Variants in PHEX observed in about 807,000 individuals in gnomAD.
PHEX encodes phosphate regulating endopeptidase X-linked.
Under a neutral mutation model 68.0 loss-of-function variants are expected in PHEX, and 16 were observed. That is an observed-to-expected ratio of 0.24 (90% CI 0.16 to 0.36). PHEX has a LOEUF of 0.36. Among genes scored for constraint, PHEX ranks in the 10% least tolerant of loss-of-function variants. The probability of loss-of-function intolerance (pLI) is 1.00; values close to 1 mark genes in which losing one functional copy is unlikely to be tolerated. For missense variants in PHEX, 480 were observed against 575.5 expected (o/e 0.83, Z 1.70); for synonymous variants, 208 against 205.1 (o/e 1.01, Z -0.12).
At chrX:22,146,540 G>A (rs181997790) in intron 12 of PHEX, among the ~76,000 whole-genome samples, 1 of 112,059 alleles carries the variant, frequency 8.9e-6, no homozygotes, top group East Asian at 2.8e-4. Context: ...GATGAGTCTG[G>A]GTGTGGTGGC....
At chrX:22,188,610 A>T (rs1325319957) in intron 14 of PHEX, among the ~76,000 whole-genome samples, 1 of 111,894 alleles carries the variant, frequency 8.9e-6, no homozygotes, top group Non-Finnish European at 1.9e-5. Context: ...TTTGTTTTTT[A>T]ATTAAAATAA....
intron 8 of PHEX, chrX:22,098,081 A>G (rs1394580610): frequency 1.0e-5 from 1 of 97,546 alleles, no homozygotes; most frequent in Non-Finnish European, 2.0e-5. Flanking sequence ...GTTGCTGCTT[A>G]TTTCCTCTTG....
At position 22,076,390 on chromosome X, in the gene PHEX, C is replaced by T. The variant is rs772238348; in HGVS notation, c.352C>T (p.Leu118Phe). Residue 118 changes from leucine (L) to phenylalanine (F), a missense_variant and splice_region_variant, in exon 4 of 22, where the codon CTT becomes TTT. Transcript: ENST00000379374. Reference protein sequence around the residue: ...RHNVDLKLKELLEKSISRRRD... With the variant: ...RHNVDLKLKEFLEKSISRRRD... The stretch of plus-strand genomic sequence containing the variant: ...GAATCCTTTCTTAACCTTCCCAGAA[C>T]TTTTGGAGAAATCAATCAGTAGAAG... 8.3e-6 allele frequency: 10 copies of T among 1,202,724 alleles called. No homozygotes were observed. In the Admixed American group the frequency reaches 2.2e-4, roughly 26 times the overall value.
chrX:22,201,339 G>T (rs950621849), intron 15 of PHEX, among the ~76,000 whole-genome samples: 2 of 110,939 alleles, frequency 1.8e-5, no homozygotes, highest in Non-Finnish European at 3.8e-5. Flanking sequence ...ACCACGCCTG[G>T]CTATTTTTTT....
intron 20 of PHEX, among the ~76,000 whole-genome samples, chrX:22,229,999 A>G (rs936306442): frequency 6.3e-5 from 7 of 111,408 alleles, no homozygotes; most frequent in African/African-American, 2.3e-4. Context: ...TTAAATAGGG[A>G]ATCCTTTCCC....
chrX:22,185,358 C>T (rs961482968), intron 14 of PHEX, among the ~76,000 whole-genome samples: 1 of 112,243 alleles, frequency 8.9e-6, no homozygotes, highest in Admixed American at 9.4e-5. Flanking sequence ...GGACAACAGT[C>T]AAAGCCCATA....
rs375441152 is a variant in PHEX at position 22,221,710 on chromosome X, T to C, written c.1866T>C (p.Tyr622=). The C allele has an allele frequency of 7.5e-6, 9 of 1,205,161 alleles. No homozygotes were observed. The highest frequency in any genetic ancestry group is 1.0e-5 in the Non-Finnish European group (9 of 889,246). Residue 622 remains tyrosine (Y), a synonymous_variant, in exon 18 of 22, where the codon TAT becomes TAC. Coordinates refer to ENST00000379374, the MANE Select transcript of PHEX (RefSeq NM_000444.6). ...KEKTKCMINQ[Y]SNYYWKKAGL... is the part of the protein sequence containing the mutation. ...AAACAAAATGCATGATTAACCAGTA[T>C]AGCAACTATTATTGGAAGAAAGCTG...
In PHEX at chrX:22,223,277, A is replaced by G. The variant is rs141293389; in HGVS notation, c.1899+1534A>G. Reference sequence around the variant, plus strand: ...GACTTCGGGGGAGCTCAGATGGGGCACTACAGATGCAGACTGTCAGCAGCT... The same window carrying G: ...GACTTCGGGGGAGCTCAGATGGGGCGCTACAGATGCAGACTGTCAGCAGCT... On this transcript the variant is annotated intron_variant, in intron 18 of 21. Coordinates refer to ENST00000379374, the MANE Select transcript of PHEX (RefSeq NM_000444.6). Among the ~76,000 whole-genome samples, 816 of 111,481 alleles carry G rather than the reference A, an allele frequency of 7.3e-3. 8 individuals are homozygous for G. The highest frequency in any genetic ancestry group is 0.026 in the African/African-American group (783 of 30,643).
At chrX:22,220,154 C>G (rs916470658) in intron 17 of PHEX, among the ~76,000 whole-genome samples, 2 of 111,460 alleles carry the variant, frequency 1.8e-5, no homozygotes, top group South Asian at 7.6e-4. Flanking sequence ...AAATTACTAT[C>G]ACATCCATAC....
chrX:22,130,646 G>T (rs1166632878), intron 11 of PHEX, among the ~76,000 whole-genome samples: 2 of 110,371 alleles, frequency 1.8e-5, no homozygotes, highest in Non-Finnish European at 3.8e-5. Context: ...CCTGATGTGG[G>T]TTTTCTGTTT....
chrX:22,239,547 TGACTTGATG>T (rs1470462986), intron 20 of PHEX, among the ~76,000 whole-genome samples: 2 of 110,470 alleles, frequency 1.8e-5, no homozygotes, highest in African/African-American at 6.6e-5. Flanking sequence ...AGAACATAAA[TGACTTGATG>T]GAGCTGAAAA....
At chrX:22,043,607 G>A (rs148038713) in intron 2 of PHEX, among the ~76,000 whole-genome samples, 1,525 of 111,299 alleles carry the variant, frequency 0.014, 25 homozygotes, top group African/African-American at 0.047. Context: ...AGGGCTTAGC[G>A]TAGGTCCTGG....
At chrX:22,184,340 A>T (rs1469806478) in intron 14 of PHEX, among the ~76,000 whole-genome samples, 4 of 110,493 alleles carry the variant, frequency 3.6e-5, no homozygotes, top group Admixed American at 2.9e-4. Flanking sequence ...GACATCTTTC[A>T]GGTCTGAAAA....
chrX:22,184,986 G>T (rs780132421), intron 14 of PHEX, among the ~76,000 whole-genome samples: 2 of 112,039 alleles, frequency 1.8e-5, no homozygotes, highest in East Asian at 2.8e-4. Context: ...ATCTGTAGGA[G>T]TTGATAAGAA....
chrX:22,110,418 G>A (rs1930909446), intron 9 of PHEX, among the ~76,000 whole-genome samples: 1 of 112,012 alleles, frequency 8.9e-6, no homozygotes, highest in Non-Finnish European at 1.9e-5. Flanking sequence ...CCCATTCAAT[G>A]TTTTTGTAGA....
At chrX:22,159,780 C>T (rs1193740759) in intron 12 of PHEX, among the ~76,000 whole-genome samples, 1 of 111,907 alleles carries the variant, frequency 8.9e-6, no homozygotes, top group East Asian at 2.8e-4. Flanking sequence ...TTGGTTATTC[C>T]TGATATGGGT....
chrX:22,161,707 C>T (rs1428011102), intron 12 of PHEX, among the ~76,000 whole-genome samples: 1 of 111,527 alleles, frequency 9.0e-6, no homozygotes, highest in Non-Finnish European at 1.9e-5. Flanking sequence ...TTAGAAGATT[C>T]TCTCAGCTAC....
At chrX:22,101,716 C>T (rs180703104) in intron 9 of PHEX, among the ~76,000 whole-genome samples, 104 of 111,417 alleles carry the variant, frequency 9.3e-4, no homozygotes, top group South Asian at 3.4e-3. Flanking sequence ...TATGTCACTT[C>T]TACCCATAAT....
At chrX:22,116,803 A>T (rs1198476100) in intron 11 of PHEX, among the ~76,000 whole-genome samples, 1 of 111,527 alleles carries the variant, frequency 9.0e-6, no homozygotes, top group Non-Finnish European at 1.9e-5. Flanking sequence ...CCTGGAATGT[A>T]ACAAAGAGCC....
Sources: gnomAD v4.1 joint callset for allele counts (sites outside exome capture counted in the v4.1 genomes callset) on GRCh38, gnomAD v4.1.1 for gene constraint, MANE v1.5 for transcripts, NCBI Gene and HGNC (gene_info 2026-07-23, HGNC 2026-07-21) for gene names.